The following DOCK3 variants were observed in gnomAD, a reference collection of about 807,000 sequenced individuals.
DOCK3 encodes the protein dedicator of cytokinesis protein 3.
Under a neutral mutation model 265.6 loss-of-function variants are expected in DOCK3, and 60 were observed. The observed-to-expected ratio is 0.23, with a 90% CI of 0.18 to 0.28. The LOEUF (loss-of-function observed/expected upper bound fraction) is 0.28, where lower values mean the gene tolerates loss of function less well. Among genes scored for constraint, DOCK3 ranks in the 10% least tolerant of loss-of-function variants. DOCK3 has a pLI of 1.00. For missense variants in DOCK3, 1,981 were observed against 2,594.3 expected (o/e 0.76, Z 5.14); for synonymous variants, 881 against 938.0 (o/e 0.94, Z 1.11).
At chr3:50,890,850 T>C (rs1009422400) in intron 4 of DOCK3, among the ~76,000 whole-genome samples, 1 of 152,016 alleles carries the variant, frequency 6.6e-6, no homozygotes, top group African/African-American at 2.4e-5. Flanking sequence ...TAGAATTTAA[T>C]GTGGGAAATT....
intron 3 of DOCK3, among the ~76,000 whole-genome samples, chr3:50,868,414 C>T (rs928139158): frequency 2.0e-5 from 3 of 152,102 alleles, no homozygotes; most frequent in African/African-American, 4.8e-5. Flanking sequence ...ACTCTGTCAT[C>T]CATTCTGGAG....
In DOCK3 at chr3:50,706,484, T is replaced by C. The variant is rs1393987187; in HGVS notation, c.37+31184T>C. Among the ~76,000 whole-genome samples, 5 of 152,228 alleles carry C rather than the reference T, an allele frequency of 3.3e-5. No homozygotes were observed. In the South Asian group the frequency reaches 1.0e-3, roughly 32 times the overall value. ...TATCAGTCTGATGAAGTTTCCCTTA[T>C]ATGTTATTCGATGCTTTTTTCTTGC... On this transcript the variant is annotated intron_variant, in intron 1 of 52. Transcript: ENST00000266037.
intron 3 of DOCK3, among the ~76,000 whole-genome samples, chr3:50,885,364 GTT>G (rs62977761): frequency 0.23 from 29,184 of 129,692 alleles, 3,246 homozygotes; most frequent in East Asian, 0.4. Context: ...TTTGTATGCA[GTT>G]TTTTTTTTTT....
intron 12 of DOCK3, among the ~76,000 whole-genome samples, chr3:51,174,227 AG>A (rs2086828104): frequency 1.3e-5 from 2 of 152,100 alleles, no homozygotes; most frequent in Non-Finnish European, 2.9e-5. Context: ...GGCTGAGGTT[AG>A]GCGGATCACA....
chr3:50,753,993 T>TA (rs2039997975), intron 1 of DOCK3, among the ~76,000 whole-genome samples: 1 of 151,702 alleles, frequency 6.6e-6, no homozygotes, highest in Non-Finnish European at 1.5e-5. Context: ...CCGTCTCTAC[T>TA]AAAAATACAA....
intron 5 of DOCK3, among the ~76,000 whole-genome samples, chr3:50,964,703 TTAAA>T (rs778950744): frequency 6.6e-6 from 1 of 151,998 alleles, no homozygotes; most frequent in African/African-American, 2.4e-5. Flanking sequence ...GATGAAATAG[TTAAA>T]TAAATAATGA....
chr3:51,277,991 GT>G, intron 26 of DOCK3: 1 of 985,388 alleles, frequency 1.0e-6, no homozygotes, highest in Non-Finnish European at 1.2e-6. Context: ...TTCTTGTCCT[GT>G]TTTCCTGCAT....
Position 51,002,968 on chromosome 3 carries a change from T to G in DOCK3, c.316-61480T>G, listed in dbSNP as rs184493490. ...TTATTATTCATTCTGGAAAGCATTA[T>G]TTAAGTCTATGTGGTATGCCCTGAC... On this transcript the variant is annotated intron_variant, in intron 5 of 52. Transcript: ENST00000266037. Among the ~76,000 whole-genome samples the G allele has an allele frequency of 2.4e-3, 365 of 152,322 alleles. 2 individuals are homozygous for G. Among genetic ancestry groups the G allele is most frequent in the African/African-American group, 8.4e-3 (349 of 41,576 alleles).
chr3:51,134,042 G>C (rs1179351157), intron 9 of DOCK3, among the ~76,000 whole-genome samples: 1 of 152,116 alleles, frequency 6.6e-6, no homozygotes, highest in Non-Finnish European at 1.5e-5. Flanking sequence ...TTGGTTTTCT[G>C]TTTCTGCGTT....
intron 5 of DOCK3, among the ~76,000 whole-genome samples, chr3:51,032,820 G>A (rs559904142): frequency 6.6e-6 from 1 of 152,168 alleles, no homozygotes; most frequent in Non-Finnish European, 1.5e-5. Flanking sequence ...GCTAAGGTGG[G>A]AGGATTGCTT....
At position 51,090,797 on chromosome 3, in the gene DOCK3, G is replaced by T. The variant is rs550650251; in HGVS notation, c.746+413G>T. ...AGAGGGTTTGAAGAAAAAGGGGGCTGATGGTGTCTTGTCTGGGCAGCCCAT... is the reference window on the plus strand; with the variant it reads ...AGAGGGTTTGAAGAAAAAGGGGGCTTATGGTGTCTTGTCTGGGCAGCCCAT... On this transcript the variant is annotated intron_variant, in intron 9 of 52. Coordinates refer to ENST00000266037, the MANE Select transcript of DOCK3 (RefSeq NM_004947.5). Among the ~76,000 whole-genome samples the T allele has an allele frequency of 1.0e-3, 157 of 152,320 alleles. 1 individual carries two copies. Among genetic ancestry groups the T allele is most frequent in the Admixed American group, 2.8e-3 (43 of 15,308 alleles).
Position 50,712,335 on chromosome 3 carries a change from G to C in DOCK3, c.37+37035G>C, listed in dbSNP as rs562730362. Among the ~76,000 whole-genome samples, 56 of 152,134 alleles carry C rather than the reference G, an allele frequency of 3.7e-4. No individual in the cohort carries two copies. The Middle Eastern group carries it at 0.01, about 28-fold the overall frequency. Reference sequence around the variant, plus strand: ...GCAGTTCTTTAGCCACCTCTTGTAAGACTTTTTATTTTTATTTTTTGAGAC... The same window carrying C: ...GCAGTTCTTTAGCCACCTCTTGTAACACTTTTTATTTTTATTTTTTGAGAC... On this transcript the variant is annotated intron_variant, in intron 1 of 52. Transcript: ENST00000266037.
intron 5 of DOCK3, among the ~76,000 whole-genome samples, chr3:51,027,671 T>C (rs1177317380): frequency 6.6e-6 from 1 of 152,146 alleles, no homozygotes; most frequent in African/African-American, 2.4e-5. Flanking sequence ...TTGATGAATT[T>C]AACCCTTTAT....
chr3:50,719,700 G>C, intron 1 of DOCK3: 1 of 1,483,132 alleles, frequency 6.7e-7, no homozygotes. Context: ...GCCGGGACTT[G>C]TATGCTTCAG....
intron 4 of DOCK3, among the ~76,000 whole-genome samples, chr3:50,929,234 G>C (rs748671143): frequency 7.2e-4 from 109 of 152,262 alleles, no homozygotes; most frequent in Middle Eastern, 6.8e-3. Context: ...GAGCATATCT[G>C]TCTAGTGCTT....
intron 1 of DOCK3, among the ~76,000 whole-genome samples, chr3:50,729,260 T>TG (rs2038036531): frequency 1.4e-5 from 2 of 147,722 alleles, no homozygotes; most frequent in South Asian, 4.2e-4. Flanking sequence ...AACTTGAGGC[T>TG]GCAGTGAGCT....
At chr3:50,977,375 A>G (rs1316843057) in intron 5 of DOCK3, among the ~76,000 whole-genome samples, 6 of 151,874 alleles carry the variant, frequency 4.0e-5, no homozygotes, top group Non-Finnish European at 7.4e-5. Flanking sequence ...CTTGTCTGTA[A>G]AGTATTGTAT....
At chr3:51,276,797 T>C (rs918034824) in intron 25 of DOCK3, among the ~76,000 whole-genome samples, 2 of 152,156 alleles carry the variant, frequency 1.3e-5, no homozygotes, top group African/African-American at 4.8e-5. Context: ...CCAGGACCAG[T>C]AGTAGTATAA....
At chr3:50,868,367 C>T (rs1028378465) in intron 3 of DOCK3, among the ~76,000 whole-genome samples, 14 of 151,932 alleles carry the variant, frequency 9.2e-5, no homozygotes, top group East Asian at 1.9e-4. Context: ...GCACCATGCC[C>T]GGCCTGCTTT....
Sources: allele counts gnomAD v4.1 joint callset (sites outside exome capture counted in the v4.1 genomes callset), GRCh38; gene constraint gnomAD v4.1.1; transcripts MANE v1.5; gene names NCBI Gene and HGNC (gene_info 2026-07-23, HGNC 2026-07-21).